Variants in ST6GALNAC3 observed in about 807,000 individuals in gnomAD.
ST6GALNAC3 encodes the protein ST6 N-acetylgalactosaminide alpha-2,6-sialyltransferase 3, also known as alpha-N-acetylgalactosaminide alpha-2,6-sialyltransferase 3.
ST6GALNAC3 carries 25 observed loss-of-function variants against 32.7 expected under a neutral mutation model. The observed-to-expected ratio is 0.76, with a 90% CI of 0.56 to 1.07. The LOEUF is 1.07. Ranked by LOEUF, ST6GALNAC3 falls within the 50% of genes least tolerant of loss-of-function variation. The pLI, the probability that ST6GALNAC3 is intolerant of heterozygous loss-of-function variation, is 0.00. For missense variants in ST6GALNAC3, 355 were observed against 382.4 expected (o/e 0.93, Z 0.60); for synonymous variants, 129 against 133.1 (o/e 0.97, Z 0.21).
intron 1 of ST6GALNAC3, among the ~76,000 whole-genome samples, chr1:76,109,178 G>T (rs78042866): frequency 0.01 from 1,593 of 152,222 alleles, 34 homozygotes; most frequent in African/African-American, 0.037. Flanking sequence ...AGACTTGCTA[G>T]GTATGACTTC....
chr1:76,356,214 C>T (rs1277236927), intron 2 of ST6GALNAC3, among the ~76,000 whole-genome samples: 1 of 152,014 alleles, frequency 6.6e-6, no homozygotes, highest in Non-Finnish European at 1.5e-5. Flanking sequence ...GATTGTATCT[C>T]CTGGATATTT....
intron 2 of ST6GALNAC3, among the ~76,000 whole-genome samples, chr1:76,390,964 G>T (rs1652492842): frequency 2.2e-5 from 2 of 92,196 alleles, no homozygotes; most frequent in Non-Finnish European, 6.2e-5. Context: ...TTTTGAGATG[G>T]AGTCTCGCAC....
chr1:76,139,529 G>A (rs1256587939), intron 1 of ST6GALNAC3, among the ~76,000 whole-genome samples: 2 of 152,178 alleles, frequency 1.3e-5, no homozygotes, highest in Non-Finnish European at 2.9e-5. Flanking sequence ...CCTATAGGAA[G>A]CCAAGCTGAA....
intron 3 of ST6GALNAC3, among the ~76,000 whole-genome samples, chr1:76,487,809 T>C (rs1358688029): frequency 6.6e-6 from 1 of 152,180 alleles, no homozygotes; most frequent in Non-Finnish European, 1.5e-5. Flanking sequence ...CACTCTGATT[T>C]TCAGAATTTT....
At chr1:76,221,017 T>A (rs542828903) in intron 1 of ST6GALNAC3, among the ~76,000 whole-genome samples, 5 of 152,044 alleles carry the variant, frequency 3.3e-5, no homozygotes, top group African/African-American at 7.2e-5. Context: ...CATGGCCAGA[T>A]TGGCTTTGGA....
At chr1:76,567,308 T>C (rs555258390) in intron 3 of ST6GALNAC3, among the ~76,000 whole-genome samples, 1 of 152,290 alleles carries the variant, frequency 6.6e-6, no homozygotes, top group Non-Finnish European at 1.5e-5. Flanking sequence ...TCTGAAATTA[T>C]GCATATTCAT....
chr1:76,364,778 G>A (rs1650237134), intron 2 of ST6GALNAC3, among the ~76,000 whole-genome samples: 1 of 152,038 alleles, frequency 6.6e-6, no homozygotes, highest in South Asian at 2.1e-4. Context: ...AAACCACAAT[G>A]AAATATCATT....
At chr1:76,240,988 T>G (rs889533172) in intron 1 of ST6GALNAC3, among the ~76,000 whole-genome samples, 2 of 152,178 alleles carry the variant, frequency 1.3e-5, no homozygotes, top group Non-Finnish European at 2.9e-5. Flanking sequence ...TATTCAACCC[T>G]TCTCTTTCTT....
At chr1:76,195,955 G>T (rs1654182775) in intron 1 of ST6GALNAC3, among the ~76,000 whole-genome samples, 1 of 152,208 alleles carries the variant, frequency 6.6e-6, no homozygotes, top group South Asian at 2.1e-4. Context: ...GAGTCTTAGA[G>T]CTCAGAAGCT....
At chr1:76,624,354 T>A (rs1648830984) in intron 3 of ST6GALNAC3, among the ~76,000 whole-genome samples, 1 of 151,946 alleles carries the variant, frequency 6.6e-6, no homozygotes, top group African/African-American at 2.4e-5. Context: ...CTTCTTTTCC[T>A]GTGCTAAAGA....
chr1:76,480,444 T>A (rs868011144), intron 3 of ST6GALNAC3, among the ~76,000 whole-genome samples: 8 of 152,248 alleles, frequency 5.3e-5, no homozygotes, highest in Middle Eastern at 3.4e-3. Flanking sequence ...TAATGCCACA[T>A]GAAACTAGGA....
chr1:76,201,083 A>G (rs1654490335), intron 1 of ST6GALNAC3, among the ~76,000 whole-genome samples: 1 of 152,222 alleles, frequency 6.6e-6, no homozygotes, highest in Non-Finnish European at 1.5e-5. Context: ...AAAGGCCAAG[A>G]TTATTAAATT....
intron 3 of ST6GALNAC3, among the ~76,000 whole-genome samples, chr1:76,502,259 G>A (rs2101728638): frequency 6.6e-6 from 1 of 152,250 alleles, no homozygotes; most frequent in Admixed American, 6.5e-5. Flanking sequence ...GTGATGTCTT[G>A]GAAAAAGCAG....
chr1:76,588,415 G>T (rs887268903), intron 3 of ST6GALNAC3, among the ~76,000 whole-genome samples: 1 of 152,152 alleles, frequency 6.6e-6, no homozygotes, highest in African/African-American at 2.4e-5. Context: ...GTGAATCAAA[G>T]TTGCTCAGAA....
chr1:76,270,688 A>C (rs1248812621), intron 1 of ST6GALNAC3, among the ~76,000 whole-genome samples: 1 of 152,066 alleles, frequency 6.6e-6, no homozygotes, highest in African/African-American at 2.4e-5. Flanking sequence ...CCCTCAGTTA[A>C]TGACAGGGCC....
intron 3 of ST6GALNAC3, among the ~76,000 whole-genome samples, chr1:76,502,492 G>C (rs1406285265): frequency 6.6e-6 from 1 of 152,112 alleles, no homozygotes; most frequent in East Asian, 1.9e-4. Flanking sequence ...GGGCAGATTT[G>C]CTCTAGACCT....
At chr1:76,217,681 T>A (rs1466656193) in intron 1 of ST6GALNAC3, among the ~76,000 whole-genome samples, 1 of 152,188 alleles carries the variant, frequency 6.6e-6, no homozygotes, top group Non-Finnish European at 1.5e-5. Flanking sequence ...CCACCCTTTC[T>A]CCTGAGTCCC....
chr1:76,323,767 T>G (rs781003425), intron 2 of ST6GALNAC3, among the ~76,000 whole-genome samples: 2 of 152,230 alleles, frequency 1.3e-5, no homozygotes, highest in Non-Finnish European at 1.5e-5. Flanking sequence ...AAATATTAAC[T>G]GTGATGGTCT....
chr1:76,411,646 T>G (rs1423851074), intron 2 of ST6GALNAC3, among the ~76,000 whole-genome samples: 1 of 152,132 alleles, frequency 6.6e-6, no homozygotes, highest in Non-Finnish European at 1.5e-5. Context: ...CCACCAACCT[T>G]ATTACAAAGA....
Sources: allele counts gnomAD v4.1 joint callset (sites outside exome capture counted in the v4.1 genomes callset), GRCh38; gene constraint gnomAD v4.1.1; transcripts MANE v1.5; gene names NCBI Gene and HGNC (gene_info 2026-07-23, HGNC 2026-07-21).